EXOC4: variants seen among roughly 807,000 people sequenced by gnomAD.
The protein encoded by EXOC4 is exocyst complex component 4, also known as SEC8-like 1.
Under a neutral mutation model 107.2 loss-of-function variants are expected in EXOC4, and 71 were observed. The ratio of observed to expected loss-of-function variants is 0.66; its 90% CI spans 0.55 to 0.81. EXOC4 has a LOEUF of 0.81. EXOC4 is among the 30% of genes least tolerant of loss of function. EXOC4 has a pLI of 0.00. For synonymous variants in EXOC4, 456 were observed against 441.2 expected (o/e 1.03, Z -0.42); for missense variants, 1,108 against 1,189.6 (o/e 0.93, Z 1.01).
intron 10 of EXOC4, among the ~76,000 whole-genome samples, chr7:133,808,582 AGCCCTGTTTGCTGGGGGC>A (rs1373160142): frequency 6.6e-6 from 1 of 152,174 alleles, no homozygotes; most frequent in Non-Finnish European, 1.5e-5. Context: ...ATCTTAAAGG[AGCCCTGTTTGCTGGGGGC>A]GCCTTCTTTC....
intron 6 of EXOC4, among the ~76,000 whole-genome samples, chr7:133,371,679 A>G (rs965979246): frequency 3.3e-5 from 5 of 152,216 alleles, no homozygotes; most frequent in Admixed American, 2.0e-4. Flanking sequence ...TGTTGCGCAT[A>G]ACACTGCTAA....
chr7:133,994,422 A>T (rs1482121443), intron 14 of EXOC4, among the ~76,000 whole-genome samples: 1 of 152,154 alleles, frequency 6.6e-6, no homozygotes, highest in Non-Finnish European at 1.5e-5. Context: ...AATCTAGATG[A>T]TGGGCTGATA....
chr7:133,410,137 TAC>T (rs907696158), intron 7 of EXOC4, among the ~76,000 whole-genome samples: 5 of 152,260 alleles, frequency 3.3e-5, no homozygotes, highest in Non-Finnish European at 7.4e-5. Flanking sequence ...GCTGAGCCAA[TAC>T]ACAGTTTTGA....
intron 10 of EXOC4, among the ~76,000 whole-genome samples, chr7:133,692,201 A>G (rs759248667): frequency 4.6e-5 from 7 of 152,230 alleles, no homozygotes; most frequent in Non-Finnish European, 8.8e-5. Flanking sequence ...ATCAAGCCAA[A>G]AGTAATCCTC....
intron 7 of EXOC4, among the ~76,000 whole-genome samples, chr7:133,461,649 A>T (rs1054677350): frequency 9.2e-5 from 14 of 152,138 alleles, no homozygotes; most frequent in African/African-American, 3.1e-4. Context: ...ATCTCATTGG[A>T]GCAGAAATGT....
chr7:133,775,371 G>T (rs1796324855), intron 10 of EXOC4, among the ~76,000 whole-genome samples: 1 of 152,220 alleles, frequency 6.6e-6, no homozygotes, highest in South Asian at 2.1e-4. Context: ...CAAGCCACCT[G>T]TGAAGCCATT....
chr7:133,817,936 C>G (rs1163537439), intron 11 of EXOC4, among the ~76,000 whole-genome samples: 2 of 152,194 alleles, frequency 1.3e-5, no homozygotes, highest in South Asian at 2.1e-4. Context: ...AGGAAACCCT[C>G]TATACCTTTT....
chr7:133,776,166 G>A (rs546370620), intron 10 of EXOC4, among the ~76,000 whole-genome samples: 5 of 152,216 alleles, frequency 3.3e-5, no homozygotes, highest in African/African-American at 7.2e-5. Context: ...AAGATACTGA[G>A]TTTTTCAGTT....
chr7:133,978,216 G>A (rs559019421), intron 14 of EXOC4, among the ~76,000 whole-genome samples: 1 of 152,316 alleles, frequency 6.6e-6, no homozygotes, highest in South Asian at 2.1e-4. Flanking sequence ...TACACATGTG[G>A]TAGAGCAGAG....
At chr7:133,487,234 T>C (rs1034065818) in intron 9 of EXOC4, among the ~76,000 whole-genome samples, 1 of 152,182 alleles carries the variant, frequency 6.6e-6, no homozygotes. Flanking sequence ...TCTTGAGATA[T>C]GATACTTGGT....
At chr7:133,464,056 GA>G (rs1165077479) in intron 7 of EXOC4, among the ~76,000 whole-genome samples, 1 of 152,142 alleles carries the variant, frequency 6.6e-6, no homozygotes, top group Non-Finnish European at 1.5e-5. Flanking sequence ...GAATATATTA[GA>G]AAAGAAACAG....
intron 11 of EXOC4, among the ~76,000 whole-genome samples, chr7:133,868,638 G>T: frequency 6.6e-6 from 1 of 152,036 alleles, no homozygotes; most frequent in East Asian, 1.9e-4. Context: ...GGGGCTGTCG[G>T]GAATTCAAAA....
At chr7:133,634,962 C>T (rs1226695427) in intron 10 of EXOC4, among the ~76,000 whole-genome samples, 1 of 72,688 alleles carries the variant, frequency 1.4e-5, no homozygotes, top group Non-Finnish European at 2.8e-5. Flanking sequence ...TGTCTTTCAG[C>T]TCTCTCTAGA....
chr7:133,640,156 G>C (rs1473325832), intron 10 of EXOC4, among the ~76,000 whole-genome samples: 1 of 152,074 alleles, frequency 6.6e-6, no homozygotes, highest in Non-Finnish European at 1.5e-5. Context: ...CATCGACATA[G>C]ATCATTTTCA....
At chr7:134,002,690 C>T (rs919374452) in intron 15 of EXOC4, among the ~76,000 whole-genome samples, 7 of 152,078 alleles carry the variant, frequency 4.6e-5, no homozygotes, top group East Asian at 3.9e-4. Context: ...AAGATATACA[C>T]GCAGAAAATA....
chr7:133,725,035 C>T (rs1050311853), intron 10 of EXOC4, among the ~76,000 whole-genome samples: 3 of 152,178 alleles, frequency 2.0e-5, no homozygotes, highest in Non-Finnish European at 2.9e-5. Flanking sequence ...GGTTTTAAAG[C>T]GGTCCTGAAC....
At chr7:133,567,209 T>C (rs191309565) in intron 9 of EXOC4, among the ~76,000 whole-genome samples, 1 of 152,242 alleles carries the variant, frequency 6.6e-6, no homozygotes, top group African/African-American at 2.4e-5. Flanking sequence ...ATATCATTAG[T>C]TTCTTATATA....
intron 9 of EXOC4, among the ~76,000 whole-genome samples, chr7:133,520,590 A>G (rs1799960462): frequency 6.6e-6 from 1 of 152,184 alleles, no homozygotes; most frequent in Non-Finnish European, 1.5e-5. Context: ...ATATTCCAAT[A>G]AAATATTTGG....
Position 133,938,033 on chromosome 7 carries a change from A to G in EXOC4, c.2170A>G (p.Thr724Ala). 1 of 1,614,200 alleles carries G rather than the reference A, an allele frequency of 6.2e-7. No individual in the cohort carries two copies. Among genetic ancestry groups the G allele is most frequent in the African/African-American group, 1.3e-5 (1 of 75,052 alleles). ...HESLEWLASR[T>A]KSAFSNLSTS... ...AAGCCTGGAATGGTTGGCAAGTCGAACAAAGTCAGCTTTCTCCAATCTTTC... is the reference window on the plus strand; with the variant it reads ...AAGCCTGGAATGGTTGGCAAGTCGAGCAAAGTCAGCTTTCTCCAATCTTTC... The change falls in exon 14 of 18, where the codon ACA (threonine) becomes GCA (alanine). Residue 724 changes from threonine (T) to alanine (A), a missense_variant. Transcript: ENST00000253861.
Sources: gnomAD v4.1 joint callset for allele counts (sites outside exome capture counted in the v4.1 genomes callset) on GRCh38, gnomAD v4.1.1 for gene constraint, MANE v1.5 for transcripts, NCBI Gene and HGNC (gene_info 2026-07-23, HGNC 2026-07-21) for gene names.